The following DENND2B variants were observed in gnomAD, a reference collection of about 807,000 sequenced individuals.
DENND2B encodes the protein DENN domain-containing protein 2B.
DENND2B carries 32 observed loss-of-function variants against 116.0 expected under a neutral mutation model. The observed-to-expected ratio is 0.28, with a 90% CI of 0.21 to 0.37. The LOEUF is 0.37. Among genes scored for constraint, DENND2B ranks in the 10% least tolerant of loss-of-function variants. The pLI, the probability that DENND2B is intolerant of heterozygous loss-of-function variation, is 1.00. For missense variants in DENND2B, 1,276 were observed against 1,477.7 expected (o/e 0.86, Z 2.24); for synonymous variants, 588 against 583.9 (o/e 1.01, Z -0.10).
chr11:8,819,785 G>T (rs949904650), intron 4 of DENND2B, among the ~76,000 whole-genome samples: 1 of 152,238 alleles, frequency 6.6e-6, no homozygotes, highest in East Asian at 1.9e-4. Flanking sequence ...AGACTAAGGA[G>T]ACGCAGCAAC....
chr11:8,793,594 T>C (rs1287004569), intron 1 of DENND2B, among the ~76,000 whole-genome samples: 4 of 152,274 alleles, frequency 2.6e-5, no homozygotes, highest in African/African-American at 7.2e-5. Context: ...ACATTGTTTG[T>C]ACATTTTGTT....
intron 3 of DENND2B, among the ~76,000 whole-genome samples, chr11:8,845,682 T>C (rs902203280): frequency 6.6e-6 from 1 of 152,190 alleles, no homozygotes; most frequent in South Asian, 2.1e-4. Flanking sequence ...AGGAAACACC[T>C]TGAGTGCAAC....
intron 17 of DENND2B, among the ~76,000 whole-genome samples, chr11:8,696,994 G>T (rs1592289381): frequency 6.6e-6 from 1 of 152,334 alleles, no homozygotes; most frequent in Non-Finnish European, 1.5e-5. Flanking sequence ...TCGAACTCCT[G>T]ACCTCAGGTG....
At chr11:8,811,062 G>C (rs189372885), upstream of DENND2B, 526 of 383,550 alleles carry the variant, frequency 1.4e-3, 1 homozygote, top group African/African-American at 9.5e-3. Flanking sequence ...TCCCTGCCAG[G>C]GGGGAGGGAG....
chr11:8,772,310 TGAG>T (rs1156803023), intron 1 of DENND2B, among the ~76,000 whole-genome samples: 1 of 152,090 alleles, frequency 6.6e-6, no homozygotes, highest in African/African-American at 2.4e-5. Context: ...TTACCAAACC[TGAG>T]GAGGGGGTTG....
intron 4 of DENND2B, among the ~76,000 whole-genome samples, chr11:8,719,488 C>T (rs970482588): frequency 6.6e-6 from 1 of 152,212 alleles, no homozygotes; most frequent in Non-Finnish European, 1.5e-5. Flanking sequence ...ATGGAACAGA[C>T]CTTTTCCTGT....
intron 4 of DENND2B, among the ~76,000 whole-genome samples, chr11:8,826,371 T>C (rs1323024524): frequency 6.6e-6 from 1 of 152,224 alleles, no homozygotes; most frequent in African/African-American, 2.4e-5. Flanking sequence ...TCAGAGTGAA[T>C]TCTTGTGGAT....
intron 2 of DENND2B, among the ~76,000 whole-genome samples, chr11:8,859,129 C>G (rs912426891): frequency 2.0e-5 from 3 of 152,200 alleles, no homozygotes; most frequent in African/African-American, 7.2e-5. Flanking sequence ...TCCAAACCCC[C>G]TGTATGTATC....
At chr11:8,776,049 C>G in intron 1 of DENND2B, 1 of 351,232 alleles carries the variant, frequency 2.8e-6, no homozygotes, top group Admixed American at 3.9e-5. Flanking sequence ...CCAATTCTTC[C>G]TTCCCTCTTC....
chr11:8,810,977 G>C, upstream of DENND2B: 1 of 261,548 alleles, frequency 3.8e-6, no homozygotes, highest in African/African-American at 2.2e-5. Flanking sequence ...ACAGCTCAGA[G>C]GGGAGAAGGG....
In DENND2B at chr11:8,732,400, C is replaced by T. The variant is rs116942437; in HGVS notation, c.81-1191G>A. Among the ~76,000 whole-genome samples the T allele has an allele frequency of 1.4e-3, 220 of 152,296 alleles. 2 individuals carry two copies. The East Asian group carries it at 0.031, about 22-fold the overall frequency. On this transcript the variant is annotated intron_variant, in intron 2 of 19. Transcript: ENST00000313726. ...ACTCAGCTGGTAAGTGAAACCAGGA[C>T]GTGAACTTCCACTACACTGGGCTGA...
At chr11:8,887,988 T>A (rs1280237314) in intron 1 of DENND2B, among the ~76,000 whole-genome samples, 1 of 152,194 alleles carries the variant, frequency 6.6e-6, no homozygotes, top group Non-Finnish European at 1.5e-5. Flanking sequence ...CCAGTTATGT[T>A]CTCTGCACAA....
chr11:8,742,101 T>C (rs976645907), intron 2 of DENND2B, among the ~76,000 whole-genome samples: 30 of 152,186 alleles, frequency 2.0e-4, no homozygotes, highest in Non-Finnish European at 4.3e-4. Flanking sequence ...GGTCTTGCTA[T>C]GTTGCCCAGC....
At chr11:8,896,688 A>G (rs2064106273) in intron 1 of DENND2B, among the ~76,000 whole-genome samples, 1 of 152,242 alleles carries the variant, frequency 6.6e-6, no homozygotes, top group Non-Finnish European at 1.5e-5. Context: ...ACAGCATTCA[A>G]TAAATTACAT....
At position 8,789,791 on chromosome 11, in the gene DENND2B, A is replaced by T. The variant is rs534162637; in HGVS notation, c.-26+20726T>A. Among the ~76,000 whole-genome samples, 3 of 152,214 alleles carry T rather than the reference A, an allele frequency of 2.0e-5. No homozygotes were observed. The South Asian group carries it at 6.2e-4, about 32-fold the overall frequency. On this transcript the variant is annotated intron_variant, in intron 1 of 19. Transcript: ENST00000313726. Reference sequence around the variant, plus strand: ...CCATCTCTACAAAAAATAAAAAAATAAAAAAATAGCAGATTTAGCAGAGTG... The same window carrying T: ...CCATCTCTACAAAAAATAAAAAAATTAAAAAATAGCAGATTTAGCAGAGTG...
intron 1 of DENND2B, among the ~76,000 whole-genome samples, chr11:8,800,425 C>T (rs16906037): frequency 0.22 from 34,188 of 152,090 alleles, 4,088 homozygotes; most frequent in South Asian, 0.33. Flanking sequence ...TAAGCTTCTC[C>T]TGGTTCTACA....
At chr11:8,713,834 T>C (rs373118146) in intron 8 of DENND2B, among the ~76,000 whole-genome samples, 164 bp downstream of exon 8, 1 of 152,208 alleles carries the variant, frequency 6.6e-6, no homozygotes, top group Admixed American at 6.5e-5. Context: ...AAGGACAGAC[T>C]TCCCTGTGGC....
Position 8,816,031 on chromosome 11 carries a change from G to C in DENND2B, c.-114-4696C>G, listed in dbSNP as rs76557001. On this transcript the variant is annotated intron_variant, in intron 4 of 6. Coordinates refer to the DENND2B transcript ENST00000524757. Reference sequence around the variant, plus strand: ...TAAAGACAACTGAAATTCTGAACCTGAAAACACAGGAACAGAGTAAATCTT... The same window carrying C: ...TAAAGACAACTGAAATTCTGAACCTCAAAACACAGGAACAGAGTAAATCTT... 1.2e-3 allele frequency among the ~76,000 whole-genome samples: 182 copies of C among 152,324 alleles called. 1 individual carries two copies. The highest frequency in any genetic ancestry group is 3.4e-3 in the Middle Eastern group (1 of 294).
At chr11:8,824,045 G>A (rs2061872259) in intron 4 of DENND2B, among the ~76,000 whole-genome samples, 1 of 151,678 alleles carries the variant, frequency 6.6e-6, no homozygotes, top group South Asian at 2.1e-4. Context: ...TGGGACTACA[G>A]GTGCCCACCA....
Sources: allele counts gnomAD v4.1 joint callset (sites outside exome capture counted in the v4.1 genomes callset), GRCh38; gene constraint gnomAD v4.1.1; transcripts MANE v1.5; gene names NCBI Gene and HGNC (gene_info 2026-07-23, HGNC 2026-07-21).